RNF180: variants seen among roughly 807,000 people sequenced by gnomAD.
The protein encoded by RNF180 is E3 ubiquitin-protein ligase RNF180.
In RNF180, 38 loss-of-function variants were observed where a neutral mutation model predicts 59.2. That is an observed-to-expected ratio of 0.64 (90% confidence interval 0.50 to 0.84). The LOEUF (loss-of-function observed/expected upper bound fraction) is 0.84. Among genes scored for constraint, RNF180 ranks in the 40% least tolerant of loss-of-function variants. The pLI is 0.00. For synonymous variants in RNF180, 262 were observed against 240.3 expected (o/e 1.09, Z -0.84); for missense variants, 705 against 700.9 (o/e 1.01, Z -0.07).
At chr5:64,327,829 C>T (rs1238431763) in intron 6 of RNF180, among the ~76,000 whole-genome samples, 2 of 152,136 alleles carry the variant, frequency 1.3e-5, no homozygotes, top group African/African-American at 4.8e-5. Context: ...TGTTAATTTT[C>T]TGTCTAGATC....
chr5:64,364,061 T>C (rs1580315875), intron 7 of RNF180, among the ~76,000 whole-genome samples: 3 of 151,790 alleles, frequency 2.0e-5, no homozygotes, highest in African/African-American at 7.2e-5. Context: ...TCTCTTCCTA[T>C]TTGGATGCTC....
chr5:64,209,651 C>CCTT (rs1752202387), intron 2 of RNF180, among the ~76,000 whole-genome samples: 1 of 152,002 alleles, frequency 6.6e-6, no homozygotes, highest in African/African-American at 2.4e-5. Flanking sequence ...TCACTGCCAC[C>CCTT]CTTCTTTCCT....
At chr5:64,173,532 A>G (rs1230910807) in intron 1 of RNF180, among the ~76,000 whole-genome samples, 1 of 152,112 alleles carries the variant, frequency 6.6e-6, no homozygotes, top group Non-Finnish European at 1.5e-5. Flanking sequence ...GTCGTTAACT[A>G]TAGTCATCTT....
intron 7 of RNF180, among the ~76,000 whole-genome samples, chr5:64,365,426 G>A (rs566103943): frequency 3.3e-5 from 5 of 151,688 alleles, no homozygotes; most frequent in Non-Finnish European, 7.4e-5. Context: ...CAATTGTGTG[G>A]TCAATTTTAG....
At chr5:64,167,955 C>G (rs1290481652) in intron 1 of RNF180, among the ~76,000 whole-genome samples, 1 of 152,134 alleles carries the variant, frequency 6.6e-6, no homozygotes, top group Non-Finnish European at 1.5e-5. Context: ...AGCTTTGTAA[C>G]TTTGAAATGT....
intron 1 of RNF180, among the ~76,000 whole-genome samples, chr5:64,198,998 A>C (rs1316410904): frequency 1.3e-5 from 2 of 152,096 alleles, no homozygotes; most frequent in Non-Finnish European, 2.9e-5. Context: ...TTGTATTTTT[A>C]GTAGAGACAG....
At chr5:64,350,609 T>G (rs935255327) in intron 7 of RNF180, among the ~76,000 whole-genome samples, 1 of 152,170 alleles carries the variant, frequency 6.6e-6, no homozygotes, top group African/African-American at 2.4e-5. Context: ...AGGGATCCAG[T>G]TTCAGCTTTC....
chr5:64,205,040 T>C (rs1751945744), intron 2 of RNF180, among the ~76,000 whole-genome samples: 1 of 152,116 alleles, frequency 6.6e-6, no homozygotes, highest in African/African-American at 2.4e-5. Flanking sequence ...TGCCAGGAAA[T>C]GGAAGTCTCA....
At chr5:64,340,081 A>G (rs1177939344) in intron 7 of RNF180, among the ~76,000 whole-genome samples, 1 of 152,162 alleles carries the variant, frequency 6.6e-6, no homozygotes, top group East Asian at 1.9e-4. Context: ...TCCAACTGAT[A>G]TGGTTTCCAT....
At chr5:64,271,030 A>G (rs1741367191) in intron 5 of RNF180, among the ~76,000 whole-genome samples, 1 of 152,108 alleles carries the variant, frequency 6.6e-6, no homozygotes, top group Non-Finnish European at 1.5e-5. Context: ...AAAACAGAAT[A>G]AAATACTTGA....
At chr5:64,188,392 G>C (rs1447129892) in intron 1 of RNF180, among the ~76,000 whole-genome samples, 2 of 151,852 alleles carry the variant, frequency 1.3e-5, no homozygotes, top group Non-Finnish European at 2.9e-5. Flanking sequence ...AATACATTAT[G>C]GTTCTCGTAA....
At chr5:64,310,062 T>C (rs1332789628) in intron 5 of RNF180, among the ~76,000 whole-genome samples, 3 of 151,758 alleles carry the variant, frequency 2.0e-5, no homozygotes, top group African/African-American at 4.8e-5. Flanking sequence ...AAACTCATTA[T>C]ATGAGACCAG....
In RNF180 at chr5:64,231,340, T is replaced by G. The variant is rs984420215; in HGVS notation, c.1227+13944T>G. On this transcript the variant is annotated intron_variant, in intron 5 of 7. Coordinates refer to ENST00000389100, the MANE Select transcript of RNF180 (RefSeq NM_001113561.2). ...GTTTATTAATGACAAAGACAATAGA[T>G]TTCATTTGGGATGCCTGTGTGTGTG... Among the ~76,000 whole-genome samples, 7 of 152,192 alleles carry G rather than the reference T, an allele frequency of 4.6e-5. No individual in the cohort carries two copies. In the South Asian group the frequency reaches 8.3e-4, roughly 18 times the overall value.
In RNF180 at chr5:64,369,015, G is replaced by A. The variant is rs1746554945; in HGVS notation, c.1580-600G>A. On this transcript the variant is annotated intron_variant, in intron 7 of 7. Coordinates refer to ENST00000389100, the MANE Select transcript of RNF180 (RefSeq NM_001113561.2). ...GCTATAAAGACACGTGCACACGTAT[G>A]TTTATTGCGGCACTATTCACAATAG... is the stretch of plus-strand genomic sequence containing the variant. 5.3e-5 allele frequency among the ~76,000 whole-genome samples: 8 copies of A among 152,040 alleles called. No individual in the cohort carries two copies. The South Asian group carries it at 1.4e-3, about 28-fold the overall frequency.
Position 64,325,334 on chromosome 5 carries a change from C to T in RNF180, c.1376C>T (p.Thr459Ile), listed in dbSNP as rs1561262410. The T allele has an allele frequency of 1.9e-6, 3 of 1,551,674 alleles. No homozygotes were observed. The highest frequency in any genetic ancestry group is 2.4e-5 in the East Asian group (1 of 40,908). The change falls in exon 6 of 8, where the codon ACT (threonine) becomes ATT (isoleucine). Residue 459 changes from threonine (T) to isoleucine (I), a missense_variant. Coordinates refer to ENST00000389100, the MANE Select transcript of RNF180 (RefSeq NM_001113561.2). ...HHIFCEPCLR[T>I]LAKDNPSSTP... ...ATCTTCTGTGAGCCCTGCTTACGGA[C>T]TCTGGCCAAAGACAATCCTTCAAGC...
At chr5:64,225,771 C>A (rs1035528849) in intron 5 of RNF180, among the ~76,000 whole-genome samples, 13 of 133,248 alleles carry the variant, frequency 9.8e-5, no homozygotes, top group Non-Finnish European at 1.9e-4. Context: ...ATGTGAGGAG[C>A]ACCTCTGCCC....
chr5:64,228,100 A>G (rs1741885734), intron 5 of RNF180, among the ~76,000 whole-genome samples: 1 of 152,222 alleles, frequency 6.6e-6, no homozygotes, highest in South Asian at 2.1e-4. Context: ...TACCAACTGT[A>G]ATTATCACCT....
chr5:64,264,693 A>G (rs1744557203), intron 5 of RNF180, among the ~76,000 whole-genome samples: 1 of 152,096 alleles, frequency 6.6e-6, no homozygotes. Flanking sequence ...GTAAACATAC[A>G]TGTGCATATG....
intron 7 of RNF180, among the ~76,000 whole-genome samples, chr5:64,350,526 GT>G (rs1489133229): frequency 6.6e-6 from 1 of 152,068 alleles, no homozygotes; most frequent in Non-Finnish European, 1.5e-5. Context: ...TTCTTCTAGG[GT>G]TTTTATGGCT....
Sources: allele counts gnomAD v4.1 joint callset (sites outside exome capture counted in the v4.1 genomes callset), GRCh38; gene constraint gnomAD v4.1.1; transcripts MANE v1.5; gene names NCBI Gene and HGNC (gene_info 2026-07-23, HGNC 2026-07-21).